TSPAN15: variants seen among roughly 807,000 people sequenced by gnomAD.
The protein encoded by TSPAN15 is tetraspanin 15, also known as tetraspanin-15.
A neutral mutation model predicts 34.5 loss-of-function variants in TSPAN15; 20 were observed. The observed-to-expected ratio is 0.58, with a 90% CI of 0.41 to 0.84. TSPAN15 has a LOEUF of 0.84. Ranked by LOEUF, TSPAN15 falls within the 40% of genes least tolerant of loss-of-function variation. TSPAN15 has a pLI of 0.00. For missense variants in TSPAN15, 313 were observed against 386.1 expected (o/e 0.81, Z 1.59); for synonymous variants, 155 against 153.9 (o/e 1.01, Z -0.05).
chr10:69,484,342 A>G (rs1177732685), intron 2 of TSPAN15, among the ~76,000 whole-genome samples: 3 of 152,228 alleles, frequency 2.0e-5, no homozygotes, highest in African/African-American at 7.2e-5. Context: ...TTATGGTTCT[A>G]GATCTCAGGA....
chr10:69,539,493 G>GAA, the TSPAN15 span, among the ~76,000 whole-genome samples: 1 of 65,410 alleles, frequency 1.5e-5, no homozygotes, highest in African/African-American at 6.3e-5. Flanking sequence ...AGAAGAAGAA[G>GAA]AAGAAGAAGA....
intron 3 of TSPAN15, among the ~76,000 whole-genome samples, chr10:69,493,557 C>G (rs533539209): frequency 2.5e-4 from 37 of 150,294 alleles, no homozygotes; most frequent in Admixed American, 4.0e-4. Context: ...ACTGCAACCT[C>G]TGCCTCCCAG....
At chr10:69,451,852 C>T (rs953245514) in intron 1 of TSPAN15, among the ~76,000 whole-genome samples, 162 bp downstream of exon 1, 2 of 152,268 alleles carry the variant, frequency 1.3e-5, no homozygotes, top group Non-Finnish European at 2.9e-5. Flanking sequence ...GCGGCCAGAG[C>T]TCAGCCTGAA....
At chr10:69,530,818 CT>C in the TSPAN15 span, among the ~76,000 whole-genome samples, 3 of 42,562 alleles carry the variant, frequency 7.0e-5, no homozygotes, top group African/African-American at 2.8e-4. Flanking sequence ...CTCTCTCTCT[CT>C]CTATATATAT....
At chr10:69,453,995 G>A (rs557848378) in intron 1 of TSPAN15, among the ~76,000 whole-genome samples, 9 of 152,354 alleles carry the variant, frequency 5.9e-5, no homozygotes, top group Admixed American at 4.6e-4. Context: ...AGGGCCCAGT[G>A]TGAGTAAGTA....
chr10:69,514,849 G>C, the TSPAN15 span, among the ~76,000 whole-genome samples: 3 of 152,100 alleles, frequency 2.0e-5, no homozygotes, highest in East Asian at 3.9e-4. Context: ...AGACAAGCAA[G>C]GCCCTCCTGA....
the TSPAN15 span, among the ~76,000 whole-genome samples, chr10:69,524,182 A>T: frequency 1.4e-5 from 2 of 148,054 alleles, no homozygotes; most frequent in South Asian, 4.3e-4. Context: ...CCATAGATCA[A>T]ATCCAGCTGG....
At chr10:69,534,709 G>A in the TSPAN15 span, among the ~76,000 whole-genome samples, 1 of 151,884 alleles carries the variant, frequency 6.6e-6, no homozygotes, top group Admixed American at 6.6e-5. Context: ...TGGGCCAGGT[G>A]TAGTGGCTCA....
At chr10:69,528,273 G>T in the TSPAN15 span, among the ~76,000 whole-genome samples, 2 of 148,618 alleles carry the variant, frequency 1.3e-5, 1 homozygote, top group Admixed American at 1.4e-4. Flanking sequence ...GGGGAATGCA[G>T]TGTCACCTGG....
intron 1 of TSPAN15, among the ~76,000 whole-genome samples, chr10:69,463,522 G>A (rs1841315758): frequency 6.6e-6 from 1 of 152,078 alleles, no homozygotes; most frequent in Admixed American, 6.6e-5. Flanking sequence ...AAAAAGGTAT[G>A]TTCTTGGCCG....
At chr10:69,507,803 T>C (rs1285872540), downstream of TSPAN15, 1 of 265,520 alleles carries the variant, frequency 3.8e-6, no homozygotes, top group Non-Finnish European at 5.9e-6. Flanking sequence ...GGGATACAGG[T>C]GGGGGGTTGG....
At chr10:69,545,063 G>A in the TSPAN15 span, among the ~76,000 whole-genome samples, 5 of 152,176 alleles carry the variant, frequency 3.3e-5, no homozygotes. Context: ...CTTCCTCAAT[G>A]CCCTCTCCAA....
chr10:69,490,075 C>T (rs1315429825), intron 3 of TSPAN15, among the ~76,000 whole-genome samples: 1 of 152,154 alleles, frequency 6.6e-6, no homozygotes, highest in Non-Finnish European at 1.5e-5. Flanking sequence ...CCTCTCTCTA[C>T]CACCAGGGTA....
chr10:69,530,812 CTCTCTCTCT>C, the TSPAN15 span, among the ~76,000 whole-genome samples: 50 of 66,714 alleles, frequency 7.5e-4, no homozygotes, highest in African/African-American at 2.9e-3. Flanking sequence ...CTCTCTCTCT[CTCTCTCTCT>C]ATATATATAT....
chr10:69,539,519 A>G, the TSPAN15 span, among the ~76,000 whole-genome samples: 19 of 113,080 alleles, frequency 1.7e-4, no homozygotes, highest in South Asian at 1.2e-3. Flanking sequence ...AAGAAGAAGA[A>G]GAAGAAGAAG....
At chr10:69,480,741 A>G (rs2133106209) in intron 1 of TSPAN15, among the ~76,000 whole-genome samples, 2 of 152,080 alleles carry the variant, frequency 1.3e-5, no homozygotes, top group South Asian at 4.2e-4. Flanking sequence ...TCTGTCACCC[A>G]GGCTAGAGTG....
chr10:69,485,681 C>T (rs1252914080), intron 3 of TSPAN15, among the ~76,000 whole-genome samples: 5 of 152,058 alleles, frequency 3.3e-5, no homozygotes, highest in Middle Eastern at 3.4e-3. Context: ...ATGTGGGAAG[C>T]GATGTGACCC....
intron 1 of TSPAN15, among the ~76,000 whole-genome samples, chr10:69,459,105 C>CAAAAA (rs1259881929): frequency 8.7e-5 from 5 of 57,668 alleles, no homozygotes; most frequent in East Asian, 5.1e-4. Flanking sequence ...ACAAAACAGA[C>CAAAAA]AAAAAAAAAA....
At chr10:69,462,502 A>ATTTTTTGTAT (rs1402011904) in intron 1 of TSPAN15, among the ~76,000 whole-genome samples, 6 of 151,354 alleles carry the variant, frequency 4.0e-5, no homozygotes, top group Non-Finnish European at 8.8e-5. Flanking sequence ...CGCCCAGCTA[A>ATTTTTTGTAT]TTTTTTGTAT....
Sources: allele counts gnomAD v4.1 joint callset (sites outside exome capture counted in the v4.1 genomes callset), GRCh38; gene constraint gnomAD v4.1.1; transcripts MANE v1.5; gene names NCBI Gene and HGNC (gene_info 2026-07-23, HGNC 2026-07-21).